The following PITPNB variants were observed in gnomAD, a reference collection of about 807,000 sequenced individuals.
The protein encoded by PITPNB is phosphatidylinositol transfer protein beta.
A neutral mutation model predicts 45.9 loss-of-function variants in PITPNB; 16 were observed. That is an observed-to-expected ratio of 0.35 (90% CI 0.24 to 0.53). The LOEUF is 0.53. Ranked by LOEUF, PITPNB falls within the 20% of genes least tolerant of loss-of-function variation. The pLI is 0.93. For missense variants in PITPNB, 188 were observed against 330.5 expected (o/e 0.57, Z 3.34); for synonymous variants, 112 against 108.9 (o/e 1.03, Z -0.18).
chr22:27,897,983 A>AG (rs1935482278), intron 3 of PITPNB, 91 bp from the exon 4 acceptor site: 1 of 844,910 alleles, frequency 1.2e-6, no homozygotes, highest in African/African-American at 1.6e-5. Flanking sequence ...TGGCAATCAA[A>AG]GGTGACCAGG....
intron 7 of PITPNB, among the ~76,000 whole-genome samples, chr22:27,893,142 T>G (rs1192653922): frequency 1.3e-5 from 2 of 152,188 alleles, no homozygotes; most frequent in African/African-American, 4.8e-5. Flanking sequence ...TTCCAAAGCT[T>G]TAGCTCTCTA....
At chr22:27,894,688 T>A (rs1935384421) in intron 6 of PITPNB, 50 bp from the exon 7 acceptor site, 1 of 1,050,420 alleles carries the variant, frequency 9.5e-7, no homozygotes, top group Admixed American at 1.7e-5. Flanking sequence ...GATTATTCTA[T>A]TATGCTTACA....
At chr22:27,901,142 G>C (rs1264818477) in intron 3 of PITPNB, among the ~76,000 whole-genome samples, 1 of 152,202 alleles carries the variant, frequency 6.6e-6, no homozygotes, top group Non-Finnish European at 1.5e-5. Flanking sequence ...GCTTAAGAGT[G>C]AAGAGTTAAG....
chr22:27,870,025 G>A (rs1037068466), intron 8 of PITPNB, among the ~76,000 whole-genome samples: 1 of 152,152 alleles, frequency 6.6e-6, no homozygotes, highest in Non-Finnish European at 1.5e-5. Flanking sequence ...TGCCAATGAT[G>A]CAACAGGGCA....
chr22:27,911,256 A>C, intron 2 of PITPNB, 147 bp from the exon 3 acceptor site: 1 of 554,046 alleles, frequency 1.8e-6, no homozygotes, highest in Non-Finnish European at 3.2e-6. Context: ...CACAACTCAA[A>C]TTAGAAATTA....
In PITPNB at chr22:27,919,236, G is replaced by T; in HGVS notation, c.-45C>A. The T allele has an allele frequency of 6.5e-7, 1 of 1,547,636 alleles. No homozygotes were observed. The highest frequency in any genetic ancestry group is 8.9e-7 in the Non-Finnish European group (1 of 1,122,870). On this transcript the variant is annotated 5_prime_UTR_variant, in exon 1 of 12. Transcript: ENST00000335272. ...AGCTGCCGCCGATACCACCGCCGCC[G>T]CCGCCGCTACCGCCTCTCACAGCGC... is the stretch of plus-strand genomic sequence containing the variant.
intron 3 of PITPNB, 114 bp from the exon 4 acceptor site, chr22:27,898,006 T>C (rs529258004): frequency 8.5e-6 from 6 of 707,912 alleles, no homozygotes; most frequent in South Asian, 7.8e-5. Context: ...CTAAGTCTGA[T>C]GAACTAGTTT....
chr22:27,914,165 C>G, intron 2 of PITPNB, 152 bp downstream of exon 2: 1 of 637,236 alleles, frequency 1.6e-6, no homozygotes, highest in Non-Finnish European at 2.9e-6. Context: ...ATTCATTTTG[C>G]AATTCTTTGC....
chr22:27,860,471 G>T, intron 8 of PITPNB: 1 of 391,964 alleles, frequency 2.6e-6, no homozygotes, highest in Non-Finnish European at 4.7e-6. Context: ...AAGTTTAATA[G>T]GTATGTTGCT....
intron 10 of PITPNB, among the ~76,000 whole-genome samples, chr22:27,856,088 A>G (rs1347687019): frequency 6.6e-6 from 1 of 152,200 alleles, no homozygotes; most frequent in Non-Finnish European, 1.5e-5. Context: ...CTACAGCAAA[A>G]TAACTTAAAT....
intron 7 of PITPNB, among the ~76,000 whole-genome samples, chr22:27,886,893 T>A (rs1935136742): frequency 6.6e-6 from 1 of 152,202 alleles, no homozygotes; most frequent in South Asian, 2.1e-4. Context: ...TTTTTTTTAA[T>A]TAGCTCACTC....
chr22:27,870,617 T>C (rs1316873379), intron 8 of PITPNB, among the ~76,000 whole-genome samples: 1 of 152,226 alleles, frequency 6.6e-6, no homozygotes, highest in African/African-American at 2.4e-5. Flanking sequence ...ATAATTATCA[T>C]GTTTGTTCCC....
intron 7 of PITPNB, among the ~76,000 whole-genome samples, chr22:27,893,987 T>G (rs992909679): frequency 3.3e-5 from 5 of 152,194 alleles, no homozygotes; most frequent in Non-Finnish European, 7.3e-5. Flanking sequence ...AGAAATTTTT[T>G]TATTAAGTCA....
intron 8 of PITPNB, among the ~76,000 whole-genome samples, chr22:27,862,976 G>A (rs1934382986): frequency 6.6e-6 from 1 of 152,190 alleles, no homozygotes; most frequent in African/African-American, 2.4e-5. Flanking sequence ...GACACAGCTA[G>A]CTTCTAAGTG....
In PITPNB at chr22:27,852,054, T is replaced by C. The variant is rs1419697596; in HGVS notation, c.*1648A>G. ...TTATCCTGAGTACACAAAGGATGTA[T>C]GAAATGTGGGTTTTGTTGCTGAGGA... On this transcript the variant is annotated 3_prime_UTR_variant, in exon 12 of 12. Transcript: ENST00000335272. 6.6e-6 allele frequency: 1 copy of C among 152,226 alleles called. No individual in the cohort carries two copies. The highest frequency in any genetic ancestry group is 2.4e-5 in the African/African-American group (1 of 41,450). 9.4% of individuals were successfully genotyped at this position (152,226 alleles called of 1,614,324 possible). A position where few individuals can be genotyped will look rare whatever the true frequency, so the allele number is the denominator to read the frequency against.
intron 3 of PITPNB, among the ~76,000 whole-genome samples, chr22:27,899,928 C>A (rs896812827): frequency 6.6e-6 from 1 of 152,054 alleles, no homozygotes; most frequent in Non-Finnish European, 1.5e-5. Context: ...AGAGGCCAGG[C>A]GTGGTGGCTC....
chr22:27,877,378 T>C (rs975079427), intron 7 of PITPNB, among the ~76,000 whole-genome samples: 63 of 152,206 alleles, frequency 4.1e-4, no homozygotes, highest in African/African-American at 1.5e-3. Context: ...CTCTATTTAA[T>C]TGAAAACTCT....
At chr22:27,903,327 GGC>G (rs1410533851) in intron 3 of PITPNB, among the ~76,000 whole-genome samples, 2 of 151,868 alleles carry the variant, frequency 1.3e-5, no homozygotes, top group African/African-American at 4.8e-5. Context: ...AAATTAGCCA[GGC>G]GTGGTGGTGC....
rs543753332 is a variant in PITPNB at position 27,886,432 on chromosome 22, T to C, written c.456+8123A>G. 3.9e-5 allele frequency among the ~76,000 whole-genome samples: 6 copies of C among 152,334 alleles called. No individual in the cohort carries two copies. The South Asian group carries it at 1.0e-3, about 26-fold the overall frequency. ...GTGACCCTAGGTCACACTGACAGAT[T>C]TTTAAAACAAATCCTTGTTCCTAGA... On this transcript the variant is annotated intron_variant, in intron 7 of 11. Transcript: ENST00000335272.
Sources: allele counts gnomAD v4.1 joint callset (sites outside exome capture counted in the v4.1 genomes callset), GRCh38; gene constraint gnomAD v4.1.1; transcripts MANE v1.5; gene names NCBI Gene and HGNC (gene_info 2026-07-23, HGNC 2026-07-21).